FGGY: variants seen among roughly 807,000 people sequenced by gnomAD.
FGGY encodes the protein FGGY carbohydrate kinase domain containing.
In FGGY, 72 loss-of-function variants were observed where a neutral mutation model predicts 71.3. The ratio of observed to expected loss-of-function variants is 1.01; its 90% confidence interval spans 0.84 to 1.23. The LOEUF is 1.23. Among genes scored for constraint, FGGY ranks in the 50% most tolerant of loss-of-function variants. The pLI is 0.00. For missense variants in FGGY, 668 were observed against 682.3 expected (o/e 0.98, Z 0.23); for synonymous variants, 251 against 250.3 (o/e 1.00, Z -0.02).
rs962406644 is a variant in FGGY, at chr1:59,297,147, C to T, written c.-18C>T. The T allele has an allele frequency of 6.6e-6, 1 of 152,568 alleles. No individual in the cohort carries two copies. Among genetic ancestry groups the T allele is most frequent in the Non-Finnish European group, 1.5e-5 (1 of 68,236 alleles). 9.5% of individuals were successfully genotyped at this position (152,568 alleles called of 1,614,324 possible). On this transcript the variant is annotated 5_prime_UTR_variant, in exon 1 of 16. Coordinates refer to ENST00000303721, the MANE Select transcript of FGGY (RefSeq NM_018291.5). ...GTTGTTGAGTCCCCTGTGTCCTCTT[C>T]TGGGTGAGGCGTCCGGCCACTTAAG...
chr1:59,750,011 G>A (rs2098232085), intron 14 of FGGY, among the ~76,000 whole-genome samples: 1 of 152,216 alleles, frequency 6.6e-6, no homozygotes, highest in Non-Finnish European at 1.5e-5. Flanking sequence ...CAAGAGACCA[G>A]TTAGGCAGTA....
intron 5 of FGGY, among the ~76,000 whole-genome samples, chr1:59,420,220 C>T (rs11207446): frequency 5.9e-5 from 9 of 152,138 alleles, no homozygotes; most frequent in Non-Finnish European, 1.0e-4. Context: ...TACATCCTGA[C>T]TCCAAATGCT....
chr1:59,541,948 A>T (rs935293482), intron 7 of FGGY, among the ~76,000 whole-genome samples: 1 of 152,200 alleles, frequency 6.6e-6, no homozygotes, highest in Admixed American at 6.5e-5. Flanking sequence ...TAAGAATTAA[A>T]TAAGTTAATT....
At chr1:59,537,190 T>C (rs2095340798) in intron 7 of FGGY, among the ~76,000 whole-genome samples, 1 of 150,872 alleles carries the variant, frequency 6.6e-6, no homozygotes, top group Non-Finnish European at 1.5e-5. Flanking sequence ...ACAAGCATTC[T>C]TATACACCAA....
chr1:59,742,054 G>A (rs1003127122), intron 14 of FGGY, among the ~76,000 whole-genome samples: 6 of 152,036 alleles, frequency 3.9e-5, no homozygotes, highest in Non-Finnish European at 1.5e-5. Flanking sequence ...AGTGAGCTAT[G>A]ATCATGCCAC....
chr1:59,453,326 A>G (rs1479040818), intron 5 of FGGY, among the ~76,000 whole-genome samples: 3 of 152,222 alleles, frequency 2.0e-5, no homozygotes, highest in Non-Finnish European at 2.9e-5. Context: ...TCTTGTAAAG[A>G]CCAAGACATC....
intron 4 of FGGY, among the ~76,000 whole-genome samples, chr1:59,355,135 T>G (rs576411174): frequency 2.0e-5 from 3 of 152,358 alleles, no homozygotes; most frequent in African/African-American, 7.2e-5. Flanking sequence ...TGACACAGTA[T>G]GTTTTATGAC....
intron 1 of FGGY, among the ~76,000 whole-genome samples, chr1:59,306,872 C>T (rs1253483626): frequency 6.6e-6 from 1 of 152,170 alleles, no homozygotes. Context: ...AGATTTGGGG[C>T]TGAGCTACAC....
intron 6 of FGGY, chr1:59,473,979 G>GGGCA (rs1327788026): frequency 6.6e-6 from 1 of 152,200 alleles, no homozygotes; most frequent in African/African-American, 2.4e-5. Flanking sequence ...AGATGTCACA[G>GGGCA]GGCAGTGTGG....
At chr1:59,371,198 C>A (rs1168999016) in intron 4 of FGGY, among the ~76,000 whole-genome samples, 176 of 152,110 alleles carry the variant, frequency 1.2e-3, no homozygotes, top group Middle Eastern at 3.4e-3. Context: ...CTCAAAATAA[C>A]AGGATGGAGG....
At chr1:59,688,125 G>T (rs2097559896) in intron 14 of FGGY, among the ~76,000 whole-genome samples, 1 of 152,176 alleles carries the variant, frequency 6.6e-6, no homozygotes, top group South Asian at 2.1e-4. Flanking sequence ...CCCTCTCTGA[G>T]GAGACAAGAT....
At chr1:59,568,834 G>A (rs2095927142) in intron 8 of FGGY, among the ~76,000 whole-genome samples, 1 of 152,026 alleles carries the variant, frequency 6.6e-6, no homozygotes, top group African/African-American at 2.4e-5. Flanking sequence ...CTATCTCTAG[G>A]GCATACAGTA....
Position 59,564,159 on chromosome 1 carries a change from G to A in FGGY, c.903+9932G>A, listed in dbSNP as rs188522554. Among the ~76,000 whole-genome samples, 25 of 152,254 alleles carry A rather than the reference G, an allele frequency of 1.6e-4. No homozygotes were observed. The East Asian group carries it at 4.8e-3, about 29-fold the overall frequency. Reference sequence around the variant, plus strand: ...AGACTTCATGACTAAAACACCAAAAGCAATGGCAACAAAAGCCAAAATAGA... The same window carrying A: ...AGACTTCATGACTAAAACACCAAAAACAATGGCAACAAAAGCCAAAATAGA... On this transcript the variant is annotated intron_variant, in intron 8 of 15. Coordinates refer to ENST00000303721, the MANE Select transcript of FGGY (RefSeq NM_018291.5).
intron 14 of FGGY, among the ~76,000 whole-genome samples, chr1:59,729,262 A>G (rs1351190339): frequency 6.6e-6 from 1 of 151,658 alleles, no homozygotes; most frequent in Non-Finnish European, 1.5e-5. Flanking sequence ...CTCTCGTTAC[A>G]TTGTCCGTTT....
chr1:59,344,305 GT>G (rs541804255), intron 3 of FGGY, among the ~76,000 whole-genome samples: 67 of 139,918 alleles, frequency 4.8e-4, no homozygotes, highest in African/African-American at 5.1e-4. Context: ...TTTTTTTGTT[GT>G]TTTTTTTTTT....
At chr1:59,722,038 C>T (rs1426249741) in intron 14 of FGGY, among the ~76,000 whole-genome samples, 1 of 152,210 alleles carries the variant, frequency 6.6e-6, no homozygotes, top group East Asian at 1.9e-4. Context: ...TCTAGCATCC[C>T]TTCCAGGACA....
chr1:59,710,762 G>A (rs1240220000), intron 14 of FGGY, among the ~76,000 whole-genome samples: 2 of 152,058 alleles, frequency 1.3e-5, no homozygotes, highest in African/African-American at 4.8e-5. Flanking sequence ...AACACCAGTT[G>A]GAATGGTGAT....
At chr1:59,651,163 A>G (rs1001176323) in intron 11 of FGGY, among the ~76,000 whole-genome samples, 2 of 152,050 alleles carry the variant, frequency 1.3e-5, no homozygotes, top group East Asian at 1.9e-4. Flanking sequence ...GGAGAGCTTT[A>G]CTTCCAACTA....
At chr1:59,345,019 T>C (rs2051524470) in intron 3 of FGGY, among the ~76,000 whole-genome samples, 1 of 152,144 alleles carries the variant, frequency 6.6e-6, no homozygotes, top group African/African-American at 2.4e-5. Context: ...AAATACACTT[T>C]GTGCATTTCC....
Sources: gnomAD v4.1 joint callset for allele counts (sites outside exome capture counted in the v4.1 genomes callset) on GRCh38, gnomAD v4.1.1 for gene constraint, MANE v1.5 for transcripts, NCBI Gene and HGNC (gene_info 2026-07-23, HGNC 2026-07-21) for gene names.